The following DSE variants were observed in gnomAD, a reference collection of about 807,000 sequenced individuals.
DSE encodes dermatan sulfate epimerase, also known as dermatan-sulfate epimerase.
DSE carries 36 observed loss-of-function variants against 84.4 expected under a neutral mutation model. The observed-to-expected ratio is 0.43, with a 90% CI of 0.33 to 0.56. DSE has a LOEUF of 0.56. Ranked by LOEUF, DSE falls within the 20% of genes least tolerant of loss-of-function variation. The pLI, the probability that DSE is intolerant of heterozygous loss-of-function variation, is 0.06. For missense variants in DSE, 862 were observed against 1,169.6 expected (o/e 0.74, Z 3.84); for synonymous variants, 410 against 430.1 (o/e 0.95, Z 0.58).
At chr6:116,306,870 C>A (rs1775376841) in intron 2 of DSE, among the ~76,000 whole-genome samples, 1 of 152,142 alleles carries the variant, frequency 6.6e-6, no homozygotes, top group Non-Finnish European at 1.5e-5. Context: ...CATCTACAAG[C>A]CAGAAAGGGA....
At chr6:116,333,497 C>G (rs1277209682) in intron 2 of DSE, among the ~76,000 whole-genome samples, 1 of 152,170 alleles carries the variant, frequency 6.6e-6, no homozygotes, top group Non-Finnish European at 1.5e-5. Flanking sequence ...TGTAAACTCC[C>G]CATCTCCCAA....
chr6:116,299,947 A>G (rs534376408), intron 2 of DSE, among the ~76,000 whole-genome samples: 2 of 152,182 alleles, frequency 1.3e-5, no homozygotes, highest in Admixed American at 1.3e-4. Context: ...AACATGCAAC[A>G]TTAGATGGAA....
At chr6:116,337,443 C>T (rs1777319626) in intron 2 of DSE, among the ~76,000 whole-genome samples, 1 of 152,124 alleles carries the variant, frequency 6.6e-6, no homozygotes, top group Non-Finnish European at 1.5e-5. Context: ...AACACCGTCT[C>T]TACTAAAACT....
At chr6:116,299,519 T>TACACACACAC in intron 2 of DSE, among the ~76,000 whole-genome samples, 1 of 83,128 alleles carries the variant, frequency 1.2e-5, no homozygotes, top group Non-Finnish European at 2.2e-5. Flanking sequence ...TATATATATA[T>TACACACACAC]ATATATATAT....
chr6:116,437,417 C>A lies in DSE; in HGVS notation c.*72C>A. 1 of 1,348,782 alleles carries A rather than the reference C, an allele frequency of 7.4e-7. No individual in the cohort carries two copies. The highest frequency in any genetic ancestry group is 2.7e-5 in the Admixed American group (1 of 37,298). The allele number at this position is 1,348,782 out of a possible 1,614,324, so 83.6% of individuals were successfully genotyped here. A position where few individuals can be genotyped will look rare whatever the true frequency, so the allele number is the denominator to read the frequency against. ...ATGCAAAAAAAAAAATTTCTTTACC[C>A]CAGATTATCAGATTTTTTTCCCTCA... On this transcript the variant is annotated 3_prime_UTR_variant, in exon 6 of 6. Coordinates refer to ENST00000644252, the MANE Select transcript of DSE (RefSeq NM_013352.4).
At chr6:116,382,573 A>G (rs904654660) in intron 1 of DSE, among the ~76,000 whole-genome samples, 2 of 152,212 alleles carry the variant, frequency 1.3e-5, no homozygotes, top group African/African-American at 4.8e-5. Context: ...ATTAAGATAA[A>G]TGAGACATTA....
chr6:116,404,901 C>G (rs112047511), intron 2 of DSE, among the ~76,000 whole-genome samples: 2 of 151,610 alleles, frequency 1.3e-5, no homozygotes, highest in African/African-American at 4.8e-5. Context: ...TTCACTCTTG[C>G]ATTGGAGCCA....
At chr6:116,391,845 AGTAT>A (rs1780930263) in intron 1 of DSE, among the ~76,000 whole-genome samples, 2 of 151,576 alleles carry the variant, frequency 1.3e-5, no homozygotes, top group Non-Finnish European at 2.9e-5. Flanking sequence ...CACATCAGGG[AGTAT>A]AATTTTAGGG....
chr6:116,296,817 A>AT (rs1314292400), intron 2 of DSE, among the ~76,000 whole-genome samples: 1 of 152,074 alleles, frequency 6.6e-6, no homozygotes, highest in Non-Finnish European at 1.5e-5. Context: ...ATCTGTTTGG[A>AT]TTTTTGGTAG....
At position 116,346,851 on chromosome 6, in the gene DSE, G is replaced by A. The variant is rs1454349946; in HGVS notation, c.-53-52347G>A. Among the ~76,000 whole-genome samples, 7 of 152,286 alleles carry A rather than the reference G, an allele frequency of 4.6e-5. No homozygotes were observed. The East Asian group carries it at 1.3e-3, about 29-fold the overall frequency. ...AATTGTCCCTGTTTGCAGATGACATGGTTATATATCTAGAAAACCCCATCA... is the reference window on the plus strand; with the variant it reads ...AATTGTCCCTGTTTGCAGATGACATAGTTATATATCTAGAAAACCCCATCA... On this transcript the variant is annotated intron_variant, in intron 2 of 3. Transcript: ENST00000430252.
intron 2 of DSE, among the ~76,000 whole-genome samples, chr6:116,260,913 G>A (rs1330562646): frequency 6.6e-6 from 1 of 152,126 alleles, no homozygotes; most frequent in Non-Finnish European, 1.5e-5. Context: ...AAGTTGGGTA[G>A]TGTGATGCCT....
chr6:116,379,665 C>G (rs191281319), intron 1 of DSE, among the ~76,000 whole-genome samples: 1 of 152,236 alleles, frequency 6.6e-6, no homozygotes, highest in East Asian at 1.9e-4. Flanking sequence ...GTGGATTCAT[C>G]CCATTATCTA....
At chr6:116,344,059 A>C (rs1421973198) in intron 2 of DSE, among the ~76,000 whole-genome samples, 1 of 152,220 alleles carries the variant, frequency 6.6e-6, no homozygotes, top group Non-Finnish European at 1.5e-5. Flanking sequence ...CAAATGAATT[A>C]AATGAAGTGA....
At chr6:116,275,874 A>C (rs1773117765) in intron 2 of DSE, among the ~76,000 whole-genome samples, 1 of 151,892 alleles carries the variant, frequency 6.6e-6, no homozygotes, top group Non-Finnish European at 1.5e-5. Context: ...CAAAGTTTCC[A>C]AACTACTGAG....
At chr6:116,258,994 A>T (rs1327763606) in intron 2 of DSE, 1 of 1,486,084 alleles carries the variant, frequency 6.7e-7, no homozygotes, top group Admixed American at 1.7e-5. Flanking sequence ...TTTCTCCTTC[A>T]CTGCAATGTA....
chr6:116,276,844 GAT>G (rs1773165324), intron 2 of DSE: 1 of 152,096 alleles, frequency 6.6e-6, no homozygotes, highest in African/African-American at 2.4e-5. Flanking sequence ...TAGGAAAAAA[GAT>G]ATATCACTTA....
rs543626818 is a variant in DSE, at chr6:116,310,270, G to A, written c.-54+51303G>A. 1.1e-4 allele frequency among the ~76,000 whole-genome samples: 17 copies of A among 152,048 alleles called. 1 individual carries two copies. The highest frequency in any genetic ancestry group is 8.3e-4 in the South Asian group (4 of 4,808). ...TCTCTACATGTGGAAGGGTGTGGCCGTGGTCCTCTGCTTTTCTCTGTGTAT... is the reference window on the plus strand; with the variant it reads ...TCTCTACATGTGGAAGGGTGTGGCCATGGTCCTCTGCTTTTCTCTGTGTAT... On this transcript the variant is annotated intron_variant, in intron 2 of 3. Coordinates refer to the DSE transcript ENST00000430252.
intron 1 of DSE, chr6:116,375,653 A>T (rs1188058870): frequency 1.4e-6 from 1 of 733,258 alleles, no homozygotes; most frequent in Non-Finnish European, 1.7e-6. Flanking sequence ...AGAAAGAGAA[A>T]TACAAGGTAT....
Position 116,441,708 on chromosome 6 carries a change from G to A in DSE, c.*4363G>A, listed in dbSNP as rs183788182. On this transcript the variant is annotated 3_prime_UTR_variant, in exon 6 of 6. Coordinates refer to ENST00000644252, the MANE Select transcript of DSE (RefSeq NM_013352.4). ...GTGTCATTTTGAAAATCTATTTGCT[G>A]TTAATTTAATGGGGTTTTAGGAAGG... The A allele has an allele frequency of 1.3e-5, 2 of 152,178 alleles. No homozygotes were observed. The highest frequency in any genetic ancestry group is 1.9e-4 in the East Asian group (1 of 5,202). 9.4% of individuals were successfully genotyped at this position (152,178 alleles called of 1,614,324 possible). A position where few individuals can be genotyped will look rare whatever the true frequency, so the allele number is the denominator to read the frequency against.
Sources: allele counts gnomAD v4.1 joint callset (sites outside exome capture counted in the v4.1 genomes callset), GRCh38; gene constraint gnomAD v4.1.1; transcripts MANE v1.5; gene names NCBI Gene and HGNC (gene_info 2026-07-23, HGNC 2026-07-21).